HCN1: variants seen among roughly 807,000 people sequenced by gnomAD.
The protein encoded by HCN1 is hyperpolarization activated cyclic nucleotide gated potassium channel 1.
A neutral mutation model predicts 78.9 loss-of-function variants in HCN1; 13 were observed. The ratio of observed to expected loss-of-function variants is 0.16; its 90% confidence interval spans 0.11 to 0.26. The LOEUF is 0.26. Among genes scored for constraint, HCN1 ranks in the 10% least tolerant of loss-of-function variants. The pLI is 1.00. For missense variants in HCN1, 810 were observed against 1,154.3 expected, an observed-to-expected ratio of 0.70 and a Z score of 4.32; for synonymous variants, 552 against 455.5, an observed-to-expected ratio of 1.21 and a Z score of -2.70.
Position 45,262,124 on chromosome 5 carries a change from CG to C in HCN1, c.2469del (p.Gly824GlufsTer52), listed in dbSNP as rs779990153. On this transcript the variant is annotated frameshift_variant, in exon 8 of 8. Coordinates refer to ENST00000303230, the MANE Select transcript of HCN1 (RefSeq NM_021072.4). LOFTEE classifies it high-confidence loss of function. ...CTGCCCCCTGCCTGAAGGCCCGTTC[CG>C]GGGACCGCCGTCACGGGTTGAGGGA... is the stretch of plus-strand genomic sequence containing the variant. Reference protein sequence around the residue: ...ASIPQPVTAVPGTGLQAGGRS... With the variant: ...ASIPQPVTAVXGTGLQAGGRS... 6.2e-7 allele frequency: 1 copy of C among 1,612,802 alleles called. No homozygotes were observed. The highest frequency in any genetic ancestry group is 8.5e-7 in the Non-Finnish European group (1 of 1,179,336).
intron 2 of HCN1, among the ~76,000 whole-genome samples, chr5:45,614,984 AC>A (rs1369314398): frequency 3.3e-5 from 5 of 151,866 alleles, no homozygotes; most frequent in African/African-American, 4.8e-5. Flanking sequence ...AAAAAAAAAA[AC>A]GTAATTCAAC....
chr5:45,432,970 G>A (rs565026695), intron 3 of HCN1, among the ~76,000 whole-genome samples: 1 of 152,230 alleles, frequency 6.6e-6, no homozygotes, highest in East Asian at 1.9e-4. Context: ...AAGAGAGTGT[G>A]TGCAGGGGAA....
intron 2 of HCN1, among the ~76,000 whole-genome samples, chr5:45,592,568 T>C (rs954092274): frequency 1.3e-5 from 2 of 152,192 alleles, no homozygotes. Flanking sequence ...ATGTTCTAAA[T>C]GAAAAATATT....
chr5:45,361,947 TTGTC>T (rs1747119031), intron 4 of HCN1, among the ~76,000 whole-genome samples: 1 of 152,230 alleles, frequency 6.6e-6, no homozygotes, highest in South Asian at 2.1e-4. Context: ...AACAAGTAAA[TTGTC>T]TGTCTAAAAC....
At position 45,695,940 on chromosome 5, in the gene HCN1, C is replaced by G; in HGVS notation, c.154G>C (p.Glu52Gln). The stretch of plus-strand genomic sequence containing the variant: ...TTGAAGCACACGGAGTTGCCGTGCT[C>G]CTTCGCGCCGGCCCCGCCGCCCCCC... Reference protein sequence around the residue: ...PPGGGGAGAKEHGNSVCFKVD... With the variant: ...PPGGGGAGAKQHGNSVCFKVD... Residue 52 changes from glutamate (E) to glutamine (Q), a missense_variant, in exon 1 of 8, where the codon GAG becomes CAG. Glu to Gln is a conservative substitution (Grantham distance 29). Around this residue, in one of 6 missense-constraint regions of HCN1, gnomAD observed 170 missense variants for 166.8 expected, o/e 1.02. Transcript: ENST00000303230. The G allele has an allele frequency of 1.4e-6, 2 of 1,386,070 alleles. No individual in the cohort carries two copies. 85.9% of individuals were successfully genotyped at this position (1,386,070 alleles called of 1,614,324 possible).
At chr5:45,541,068 GA>G (rs527620699) in intron 2 of HCN1, among the ~76,000 whole-genome samples, 3 of 151,442 alleles carry the variant, frequency 2.0e-5, no homozygotes, top group Admixed American at 1.3e-4. Flanking sequence ...GCAGAAAAAA[GA>G]AAAAAAATAT....
chr5:45,421,760 C>T (rs1217820864), intron 3 of HCN1, among the ~76,000 whole-genome samples: 1 of 152,152 alleles, frequency 6.6e-6, no homozygotes, highest in Non-Finnish European at 1.5e-5. Flanking sequence ...ATTAATTTAT[C>T]ACAGTTCTGA....
At chr5:45,557,574 T>C (rs749321479) in intron 2 of HCN1, among the ~76,000 whole-genome samples, 8 of 152,166 alleles carry the variant, frequency 5.3e-5, no homozygotes, top group Non-Finnish European at 1.2e-4. Context: ...TTGAGGCTTT[T>C]GCAACCCTGC....
chr5:45,384,181 G>A lies in HCN1; in HGVS notation c.1230+12311C>T, dbSNP rs961461819. On this transcript the variant is annotated intron_variant, in intron 4 of 7. Coordinates refer to ENST00000303230, the MANE Select transcript of HCN1 (RefSeq NM_021072.4). ...ATACTCATGTTTCCTTTACATCCCCGTGCAGTATTTGGTGTTTAGTAAAGC... is the reference window on the plus strand; with the variant it reads ...ATACTCATGTTTCCTTTACATCCCCATGCAGTATTTGGTGTTTAGTAAAGC... 3.9e-5 allele frequency among the ~76,000 whole-genome samples: 6 copies of A among 151,970 alleles called. No homozygotes were observed. In the South Asian group the frequency reaches 6.2e-4, roughly 16 times the overall value.
intron 2 of HCN1, among the ~76,000 whole-genome samples, chr5:45,636,581 C>T (rs1053723154): frequency 6.6e-6 from 1 of 152,132 alleles, no homozygotes; most frequent in Non-Finnish European, 1.5e-5. Flanking sequence ...GGCACACTGG[C>T]TCGTGCTTGT....
chr5:45,273,940 T>G (rs1745005678), intron 6 of HCN1, among the ~76,000 whole-genome samples: 1 of 152,120 alleles, frequency 6.6e-6, no homozygotes, highest in South Asian at 2.1e-4. Context: ...ACTCTGGGTA[T>G]CAAATAGATT....
intron 2 of HCN1, among the ~76,000 whole-genome samples, chr5:45,501,703 G>A (rs1742192017): frequency 6.6e-6 from 1 of 152,090 alleles, no homozygotes. Flanking sequence ...GCCTCCCAAA[G>A]TGCTAGGATT....
At position 45,582,569 on chromosome 5, in the gene HCN1, T is replaced by C. The variant is rs191122315; in HGVS notation, c.849+62616A>G. The stretch of plus-strand genomic sequence containing the variant: ...CTTCCAACACTATGTTGAATAGGAG[T>C]GGTGAGAGAGGGCATCCCTGTCTTG... On this transcript the variant is annotated intron_variant, in intron 2 of 7. Coordinates refer to ENST00000303230, the MANE Select transcript of HCN1 (RefSeq NM_021072.4). Among the ~76,000 whole-genome samples, 1,222 of 151,984 alleles carry C rather than the reference T, an allele frequency of 8.0e-3. 8 individuals are homozygous for C. Among genetic ancestry groups the C allele is most frequent in the Non-Finnish European group, 0.013 (882 of 67,976 alleles).
chr5:45,544,340 A>T (rs1743163794), intron 2 of HCN1, among the ~76,000 whole-genome samples: 1 of 152,136 alleles, frequency 6.6e-6, no homozygotes, highest in African/African-American at 2.4e-5. Context: ...TCAATAGGTT[A>T]GTTTTCTATG....
chr5:45,626,954 T>C (rs1745174987), intron 2 of HCN1, among the ~76,000 whole-genome samples: 1 of 151,798 alleles, frequency 6.6e-6, no homozygotes, highest in Non-Finnish European at 1.5e-5. Flanking sequence ...GCCATATATA[T>C]ATATACACAC....
intron 4 of HCN1, among the ~76,000 whole-genome samples, chr5:45,374,330 A>T (rs1160677416): frequency 7.2e-6 from 1 of 139,622 alleles, no homozygotes; most frequent in Admixed American, 8.2e-5. Flanking sequence ...TATACATTAT[A>T]TACATTATAT....
chr5:45,413,387 CT>C (rs1341294667), intron 3 of HCN1, among the ~76,000 whole-genome samples: 1 of 152,008 alleles, frequency 6.6e-6, no homozygotes, highest in Non-Finnish European at 1.5e-5. Context: ...TATTGATATT[CT>C]TTGTAAACCA....
intron 5 of HCN1, among the ~76,000 whole-genome samples, chr5:45,334,932 T>C (rs1334607852): frequency 6.6e-6 from 1 of 152,036 alleles, no homozygotes; most frequent in Non-Finnish European, 1.5e-5. Context: ...TTAGAAAAGA[T>C]GATTCAGAAT....
rs1417911479 is a variant in HCN1 at position 45,593,329 on chromosome 5, C to G, written c.849+51856G>C. 8.0e-5 allele frequency among the ~76,000 whole-genome samples: 11 copies of G among 137,238 alleles called. No individual in the cohort carries two copies. The Admixed American group carries it at 8.3e-4, about 10-fold the overall frequency. The allele number at this position is 137,238 out of a possible 152,430, so 90.0% of individuals were successfully genotyped here. A position where few individuals can be genotyped will look rare whatever the true frequency, so the allele number is the denominator to read the frequency against. ...TCTCTCTCTCTCTCTCTCCCTCTCT[C>G]TCTCTCTCTCTCACACACACACACA... On this transcript the variant is annotated intron_variant, in intron 2 of 7. Coordinates refer to ENST00000303230, the MANE Select transcript of HCN1 (RefSeq NM_021072.4).
Sources: gnomAD v4.1 joint callset for allele counts (sites outside exome capture counted in the v4.1 genomes callset) on GRCh38, gnomAD v4.1.1 for gene constraint, gnomAD v4.1.1 regional missense constraint, MANE v1.5 for transcripts, NCBI Gene and HGNC (gene_info 2026-07-23, HGNC 2026-07-21) for gene names.